Variants in WDR17 observed in about 807,000 individuals in gnomAD.
WDR17 encodes the protein WD repeat-containing protein 17.
A neutral mutation model predicts 161.7 loss-of-function variants in WDR17; 143 were observed. That is an observed-to-expected ratio of 0.88 (90% CI 0.77 to 1.02). WDR17 has a LOEUF of 1.02. Ranked by LOEUF, WDR17 falls within the 50% of genes least tolerant of loss-of-function variation. The probability of loss-of-function intolerance (pLI) is 0.00; values close to 1 mark genes in which losing one functional copy is unlikely to be tolerated. For synonymous variants in WDR17, 517 were observed against 515.6 expected (o/e 1.00, Z -0.04); for missense variants, 1,469 against 1,520.9 (o/e 0.97, Z 0.57).
At chr4:176,139,631 C>T (rs17062523) in intron 9 of WDR17, among the ~76,000 whole-genome samples, 35,493 of 151,774 alleles carry the variant, frequency 0.23, 4,260 homozygotes, top group South Asian at 0.28. Flanking sequence ...GACTCTTTAC[C>T]TTGTATCCAA....
chr4:176,160,224 A>C, intron 19 of WDR17, 98 bp downstream of exon 19: 1 of 1,431,218 alleles, frequency 7.0e-7, no homozygotes, highest in Non-Finnish European at 9.4e-7. Flanking sequence ...TAATTGACAA[A>C]GTCATAAAGG....
chr4:176,077,617 G>A (rs1356616081), intron 1 of WDR17, among the ~76,000 whole-genome samples: 2 of 151,800 alleles, frequency 1.3e-5, no homozygotes, highest in Non-Finnish European at 2.9e-5. Context: ...TGCCAATTAG[G>A]GTTCTTTCAG....
Position 176,075,446 on chromosome 4 carries a change from G to A in WDR17, c.-7+9367G>A, listed in dbSNP as rs952091684. Among the ~76,000 whole-genome samples, 12 of 152,104 alleles carry A rather than the reference G, an allele frequency of 7.9e-5. 1 individual carries two copies. The East Asian group carries it at 2.3e-3, about 29-fold the overall frequency. On this transcript the variant is annotated intron_variant, in intron 1 of 28. Transcript: ENST00000508596. The stretch of plus-strand genomic sequence containing the variant: ...AAAGTTTTGATAATGAACATTTTAG[G>A]TTATCTGTCTTCTCTTTCAATCATT...
intron 1 of WDR17, among the ~76,000 whole-genome samples, chr4:176,078,142 C>G (rs1486160457): frequency 6.6e-6 from 1 of 151,930 alleles, no homozygotes; most frequent in Non-Finnish European, 1.5e-5. Context: ...GCAGAATATT[C>G]CATTATATGG....
At position 176,071,691 on chromosome 4, in the gene WDR17, T is replaced by C. The variant is rs1355251394; in HGVS notation, c.-7+5612T>C. 3.9e-5 allele frequency among the ~76,000 whole-genome samples: 6 copies of C among 152,320 alleles called. No homozygotes were observed. In the East Asian group the frequency reaches 1.2e-3, roughly 29 times the overall value. On this transcript the variant is annotated intron_variant, in intron 1 of 28. Coordinates refer to ENST00000508596, the MANE Select transcript of WDR17 (RefSeq NM_181265.4). ...AAGTATATGAATGAGCTTGTTGAAG[T>C]AGATGTGGATTACTTCTTTGATCAA...
chr4:176,068,815 A>G (rs1273453922), intron 1 of WDR17, among the ~76,000 whole-genome samples: 1 of 152,192 alleles, frequency 6.6e-6, no homozygotes, highest in African/African-American at 2.4e-5. Flanking sequence ...TGAGCAAGAA[A>G]TTAGATACGG....
intron 1 of WDR17, among the ~76,000 whole-genome samples, chr4:176,102,558 G>A (rs1022941431): frequency 1.3e-5 from 2 of 152,184 alleles, no homozygotes; most frequent in African/African-American, 4.8e-5. Flanking sequence ...GTTTATAGCA[G>A]CTTTAAGCAT....
At chr4:176,152,004 A>T in intron 17 of WDR17, 37 bp downstream of exon 17, 1 of 1,585,342 alleles carries the variant, frequency 6.3e-7, no homozygotes, top group African/African-American at 1.4e-5. Context: ...TGAGTTTAAC[A>T]TAGTAGTCTA....
At position 176,182,415 on chromosome 4, in the gene WDR17, A is replaced by G. The variant is rs1398979907; in HGVS notation, c.*2836A>G. 3 of 150,642 alleles carry G rather than the reference A, an allele frequency of 2.0e-5. No homozygotes were observed. Among genetic ancestry groups the G allele is most frequent in the East Asian group, 1.9e-4 (1 of 5,168 alleles). 9.3% of individuals were successfully genotyped at this position (150,642 alleles called of 1,614,324 possible). ...TGTGCGTGTGTGTGTGTATATATAT[A>G]TATATATATATATATTTCTATGAAA... is the stretch of plus-strand genomic sequence containing the variant. On this transcript the variant is annotated 3_prime_UTR_variant, in exon 29 of 29. Transcript: ENST00000508596. This position sits in a 1 kb window ranked among gnomAD's most constrained non-coding sequence, Gnocchi z 4.2.
chr4:176,094,370 C>T (rs754207802), intron 1 of WDR17, among the ~76,000 whole-genome samples: 1 of 152,128 alleles, frequency 6.6e-6, no homozygotes, highest in Non-Finnish European at 1.5e-5. Context: ...TATATCTACA[C>T]AAATAATCAC....
chr4:176,113,182 A>C (rs1740051658), intron 2 of WDR17, among the ~76,000 whole-genome samples: 1 of 151,818 alleles, frequency 6.6e-6, no homozygotes, highest in South Asian at 2.1e-4. Context: ...TATACTCCCA[A>C]GCTTGTCACT....
intron 3 of WDR17, among the ~76,000 whole-genome samples, chr4:176,118,231 T>C (rs1481216770): frequency 6.6e-5 from 10 of 152,154 alleles, no homozygotes; most frequent in Non-Finnish European, 1.5e-5. Flanking sequence ...AAAAGTGTTT[T>C]CTATTATTAT....
At chr4:176,075,102 A>G (rs1221469159) in intron 1 of WDR17, among the ~76,000 whole-genome samples, 1 of 151,962 alleles carries the variant, frequency 6.6e-6, no homozygotes, top group Non-Finnish European at 1.5e-5. Flanking sequence ...TTATCAAATG[A>G]TTAATTTATA....
At chr4:176,167,521 C>A (rs1030705030) in intron 22 of WDR17, among the ~76,000 whole-genome samples, 6 of 150,302 alleles carry the variant, frequency 4.0e-5, no homozygotes, top group Admixed American at 4.0e-4. Flanking sequence ...TGGCGGGCGC[C>A]TGTAGTCCCA....
chr4:176,088,116 T>C (rs1217273848), intron 1 of WDR17, among the ~76,000 whole-genome samples: 1 of 152,222 alleles, frequency 6.6e-6, no homozygotes, highest in African/African-American at 2.4e-5. Flanking sequence ...AGTGCTGCGA[T>C]TACAGGCGTG....
At chr4:176,166,552 TG>T in intron 22 of WDR17, among the ~76,000 whole-genome samples, 2 of 152,302 alleles carry the variant, frequency 1.3e-5, no homozygotes, top group Non-Finnish European at 2.9e-5. Context: ...TGATTAACAT[TG>T]AAGGAAATTA....
Position 176,131,543 on chromosome 4 carries a change from TC to T in WDR17, c.914-10del. 6.3e-7 allele frequency: 1 copy of T among 1,589,842 alleles called. No individual in the cohort carries two copies. Among genetic ancestry groups the T allele is most frequent in the South Asian group, 1.2e-5 (1 of 86,060 alleles). On this transcript the variant is annotated splice_polypyrimidine_tract_variant and intron_variant, in intron 6 of 28. Coordinates refer to ENST00000508596, the MANE Select transcript of WDR17 (RefSeq NM_181265.4). ...TTCATTCCAATAGGATTTTTTTTCT[TC>T]TATTTTTAGTTTCAGTCCAATCTCC... is the stretch of plus-strand genomic sequence containing the variant.
chr4:176,176,923 A>G (rs777340974), intron 26 of WDR17, 135 bp from the exon 27 acceptor site: 1 of 592,840 alleles, frequency 1.7e-6, no homozygotes. Context: ...AAAATATTCT[A>G]TATGTATATT....
At chr4:176,109,378 G>C (rs1164114429) in intron 1 of WDR17, among the ~76,000 whole-genome samples, 1 of 151,950 alleles carries the variant, frequency 6.6e-6, no homozygotes, top group Non-Finnish European at 1.5e-5. Flanking sequence ...TAATGTTTGA[G>C]GAAATACAGG....
Sources: gnomAD v4.1 joint callset for allele counts (sites outside exome capture counted in the v4.1 genomes callset) on GRCh38, gnomAD v4.1.1 for gene constraint, Gnocchi (gnomAD v3.1) non-coding constraint, MANE v1.5 for transcripts, NCBI Gene and HGNC (gene_info 2026-07-23, HGNC 2026-07-21) for gene names.